The following RTN4 variants were observed in gnomAD, a reference collection of about 807,000 sequenced individuals.
The protein encoded by RTN4 is reticulon-4.
RTN4 carries 32 observed loss-of-function variants against 90.4 expected under a neutral mutation model. The observed-to-expected ratio is 0.35, with a 90% CI of 0.27 to 0.48. RTN4 has a LOEUF of 0.48. Ranked by LOEUF, RTN4 falls within the 20% of genes least tolerant of loss-of-function variation. The probability of loss-of-function intolerance (pLI) is 0.99; values close to 1 mark genes in which losing one functional copy is unlikely to be tolerated. For missense variants in RTN4, 1,706 were observed against 1,430.2 expected, an observed-to-expected ratio of 1.19 and a Z score of -3.11; for synonymous variants, 629 against 552.5, an observed-to-expected ratio of 1.14 and a Z score of -1.94.
At chr2:55,089,277 G>A (rs923228210) in intron 1 of RTN4, among the ~76,000 whole-genome samples, 1 of 152,166 alleles carries the variant, frequency 6.6e-6, no homozygotes, top group South Asian at 2.1e-4. Context: ...ACCCTAGCAT[G>A]TAATCTATAA....
the RTN4 span, among the ~76,000 whole-genome samples, chr2:55,130,651 T>G: frequency 6.6e-6 from 1 of 152,180 alleles, no homozygotes; most frequent in Non-Finnish European, 1.5e-5. Flanking sequence ...CTTGGGAGGC[T>G]GAGGCGGGAG....
chr2:55,021,602 C>T (rs371543312), intron 3 of RTN4, among the ~76,000 whole-genome samples: 17 of 152,138 alleles, frequency 1.1e-4, no homozygotes, highest in Middle Eastern at 3.4e-3. Context: ...GGATTACAGG[C>T]GTAAGCCATT....
intron 3 of RTN4, among the ~76,000 whole-genome samples, chr2:55,007,015 C>T (rs1026618864): frequency 2.6e-5 from 4 of 152,092 alleles, no homozygotes; most frequent in South Asian, 2.1e-4. Context: ...TCTGAGCTTC[C>T]GAGATGTTCT....
intron 3 of RTN4, among the ~76,000 whole-genome samples, chr2:55,021,828 C>T (rs1256101211): frequency 6.6e-6 from 1 of 152,150 alleles, no homozygotes; most frequent in East Asian, 1.9e-4. Flanking sequence ...GGGTTTCCTT[C>T]CCACAACTTT....
intron 5 of RTN4, among the ~76,000 whole-genome samples, chr2:54,982,296 T>C (rs778404680): frequency 2.0e-5 from 3 of 151,986 alleles, no homozygotes; most frequent in Non-Finnish European, 4.4e-5. Context: ...TAAAAAGGAA[T>C]ACAGGACTCT....
At chr2:55,010,194 C>T (rs916744075) in intron 3 of RTN4, 2 of 1,606,150 alleles carry the variant, frequency 1.2e-6, no homozygotes, top group African/African-American at 1.3e-5. Flanking sequence ...ACTGCACAAA[C>T]CTACTCCCTG....
At chr2:55,063,527 CT>C (rs888077345) in intron 2 of RTN4, among the ~76,000 whole-genome samples, 1 of 151,250 alleles carries the variant, frequency 6.6e-6, no homozygotes, top group Admixed American at 6.6e-5. Flanking sequence ...AATGAGTTGA[CT>C]TTTTTTTTCA....
chr2:55,109,429 T>C (rs1667997555), intron 1 of RTN4, among the ~76,000 whole-genome samples: 1 of 152,148 alleles, frequency 6.6e-6, no homozygotes, highest in Non-Finnish European at 1.5e-5. Flanking sequence ...AAATACCTCA[T>C]ACTCCTTCCA....
At chr2:55,022,502 C>T (rs1452790928) in intron 3 of RTN4, among the ~76,000 whole-genome samples, 1 of 152,122 alleles carries the variant, frequency 6.6e-6, no homozygotes, top group Non-Finnish European at 1.5e-5. Context: ...ATTCTACACA[C>T]CTAAGGGAGG....
At chr2:55,066,173 GTGTGTGTGTGTGTGTGTGTT>G (rs1253114720) in intron 2 of RTN4, among the ~76,000 whole-genome samples, 1 of 102,610 alleles carries the variant, frequency 9.7e-6, no homozygotes, top group Non-Finnish European at 2.1e-5. Context: ...ACCCATTTGT[GTGTGTGTGTGTGTGTGTGTT>G]TGTGTGTGTG....
At chr2:55,058,453 T>A (rs1668229205) in intron 2 of RTN4, among the ~76,000 whole-genome samples, 1 of 152,252 alleles carries the variant, frequency 6.6e-6, no homozygotes, top group Non-Finnish European at 1.5e-5. Flanking sequence ...TTTTTACCCA[T>A]ACGAAATTTC....
intron 3 of RTN4, among the ~76,000 whole-genome samples, chr2:55,009,097 A>C (rs1353642785): frequency 1.3e-5 from 2 of 152,190 alleles, no homozygotes; most frequent in Non-Finnish European, 2.9e-5. Context: ...AAATTTTTAA[A>C]AAGACATTGT....
chr2:54,984,531 G>T (rs1342956642), intron 4 of RTN4, among the ~76,000 whole-genome samples: 2 of 152,148 alleles, frequency 1.3e-5, no homozygotes, highest in Admixed American at 6.6e-5. Flanking sequence ...ACTGTTACTT[G>T]TTCTTGCTGA....
chr2:55,059,955 G>C (rs1333963783), intron 2 of RTN4, among the ~76,000 whole-genome samples: 3 of 152,092 alleles, frequency 2.0e-5, no homozygotes, highest in Non-Finnish European at 4.4e-5. Flanking sequence ...TGGGATTACA[G>C]GGGTGAGCCA....
At chr2:55,042,927 T>A (rs759215839) in intron 1 of RTN4, among the ~76,000 whole-genome samples, 6 of 152,124 alleles carry the variant, frequency 3.9e-5, no homozygotes, top group Non-Finnish European at 8.8e-5. Context: ...ATATATACTA[T>A]GAAGAGGTAA....
rs1677474205 is a variant in RTN4, at chr2:54,974,747, C to G, written c.3378G>C (p.Trp1126Cys). 1 of 1,613,734 alleles carries G rather than the reference C, an allele frequency of 6.2e-7. No homozygotes were observed. Among genetic ancestry groups the G allele is most frequent in the African/African-American group, 1.3e-5 (1 of 75,016 alleles). Residue 1126 changes from tryptophan to cysteine, a missense_variant, in exon 6 of 9, where the codon TGG becomes TGC. Coordinates refer to ENST00000337526, the MANE Select transcript of RTN4 (RefSeq NM_020532.5). The part of the protein sequence containing the change: ...VDSLKFAVLM[W>C]VFTYVGALFN... ...ACAAGGCACCAACATAGGTAAATAC[C>G]CACATCAACACTGCAAACTATAAGA...
Position 54,973,043 on chromosome 2 carries a change from G to C in RTN4, c.*113C>G, listed in dbSNP as rs929511768. The C allele has an allele frequency of 6.2e-6, 5 of 801,004 alleles. No homozygotes were observed. Among genetic ancestry groups the C allele is most frequent in the South Asian group, 1.8e-5 (1 of 56,722 alleles). The allele number at this position is 801,004 out of a possible 1,614,324, so 49.6% of individuals were successfully genotyped here. A position where few individuals can be genotyped will look rare whatever the true frequency, so the allele number is the denominator to read the frequency against. ...TGGCTAAAAATAAAGATCTAACAAC[G>C]ATCTGTGAAACTGCACTGCAACGTC... On this transcript the variant is annotated 3_prime_UTR_variant, in exon 9 of 9. Coordinates refer to ENST00000337526, the MANE Select transcript of RTN4 (RefSeq NM_020532.5).
At chr2:55,082,360 T>A (rs1419039614) in intron 1 of RTN4, among the ~76,000 whole-genome samples, 4 of 152,152 alleles carry the variant, frequency 2.6e-5, no homozygotes, top group Non-Finnish European at 5.9e-5. Flanking sequence ...GATTCATATA[T>A]CTCTCAAAAG....
At chr2:55,001,535 T>A (rs1420144659) in intron 3 of RTN4, among the ~76,000 whole-genome samples, 1 of 152,224 alleles carries the variant, frequency 6.6e-6, no homozygotes, top group African/African-American at 2.4e-5. Context: ...CTCATAAATA[T>A]CCCTTACTGT....
Sources: allele counts gnomAD v4.1 joint callset (sites outside exome capture counted in the v4.1 genomes callset), GRCh38; gene constraint gnomAD v4.1.1; transcripts MANE v1.5; gene names NCBI Gene and HGNC (gene_info 2026-07-23, HGNC 2026-07-21).